Variants in RAC1 observed in about 807,000 individuals in gnomAD.
RAC1 encodes the protein Rac family small GTPase 1, also known as ras-related C3 botulinum toxin substrate 1.
A neutral mutation model predicts 25.2 loss-of-function variants in RAC1; 2 were observed. That is an observed-to-expected ratio of 0.08 (90% CI 0.03 to 0.25). RAC1 has a LOEUF of 0.25. Ranked by LOEUF, RAC1 falls within the 10% of genes least tolerant of loss-of-function variation. RAC1 has a pLI of 1.00. For synonymous variants in RAC1, 88 were observed against 94.0 expected (o/e 0.94, Z 0.37); for missense variants, 50 against 235.7 (o/e 0.21, Z 5.16).
chr7:6,386,532 A>G (rs1397939923), intron 1 of RAC1, among the ~76,000 whole-genome samples: 2 of 152,206 alleles, frequency 1.3e-5, no homozygotes, highest in African/African-American at 2.4e-5. Context: ...CTGTAATCCC[A>G]GCACTTTGGG....
intron 3 of RAC1, among the ~76,000 whole-genome samples, 185 bp downstream of exon 3, chr7:6,392,226 T>A (rs1444251124): frequency 6.6e-5 from 10 of 152,204 alleles, no homozygotes; most frequent in African/African-American, 2.4e-4. Context: ...GTTTTGTGTT[T>A]TGAGCGTTAC....
At chr7:6,390,215 G>A (rs1005696812) in intron 2 of RAC1, among the ~76,000 whole-genome samples, 9 of 149,168 alleles carry the variant, frequency 6.0e-5, no homozygotes, top group Admixed American at 1.4e-4. Context: ...GTAGCCTGAT[G>A]GAACGTTTTG....
chr7:6,386,248 A>T (rs1782919268), intron 1 of RAC1, among the ~76,000 whole-genome samples: 1 of 152,066 alleles, frequency 6.6e-6, no homozygotes, highest in African/African-American at 2.4e-5. Flanking sequence ...CTGCTTATAG[A>T]CTTATGGTGC....
intron 3 of RAC1, among the ~76,000 whole-genome samples, chr7:6,393,763 G>A (rs1404795763): frequency 6.6e-6 from 1 of 152,188 alleles, no homozygotes; most frequent in East Asian, 1.9e-4. Context: ...AACTGTGTAA[G>A]ACACCCTGTG....
intron 3 of RAC1, among the ~76,000 whole-genome samples, chr7:6,394,478 C>T (rs1783170535): frequency 7.8e-6 from 1 of 128,604 alleles, no homozygotes; most frequent in Admixed American, 7.6e-5. Flanking sequence ...TATTTATTTG[C>T]CTGCTTGTAC....
chr7:6,383,286 G>C (rs1203841949), intron 1 of RAC1, among the ~76,000 whole-genome samples: 1 of 152,154 alleles, frequency 6.6e-6, no homozygotes, highest in African/African-American at 2.4e-5. Context: ...AGCGCAGCGT[G>C]GACAAGGAAT....
chr7:6,402,122 C>A, intron 5 of RAC1, 95 bp downstream of exon 5: 1 of 1,468,726 alleles, frequency 6.8e-7, no homozygotes, highest in Non-Finnish European at 9.3e-7. Context: ...GTGTGTCTCC[C>A]ACTCAGGGCC....
At chr7:6,388,715 G>A (rs1782996598) in intron 2 of RAC1, among the ~76,000 whole-genome samples, 1 of 152,062 alleles carries the variant, frequency 6.6e-6, no homozygotes, top group South Asian at 2.1e-4. Context: ...ATCTACATAT[G>A]TAGATAAAGG....
rs1186743355 is a variant in RAC1, at chr7:6,387,102, T to C, written c.36-110T>C. 4 of 666,510 alleles carry C rather than the reference T, an allele frequency of 6.0e-6. No homozygotes were observed. The East Asian group carries it at 1.1e-4, about 18-fold the overall frequency. 41.3% of individuals were successfully genotyped at this position (666,510 alleles called of 1,614,324 possible). A position where few individuals can be genotyped will look rare whatever the true frequency, so the allele number is the denominator to read the frequency against. On this transcript the variant is annotated intron_variant, in intron 1 of 5. Transcript: ENST00000348035. ...AAAACATTTTCTTTAATGCTAAGTA[T>C]GTGATGTATATGCCTTGATTTTTTT...
chr7:6,381,840 A>C (rs1782774087), intron 1 of RAC1, among the ~76,000 whole-genome samples: 1 of 152,194 alleles, frequency 6.6e-6, no homozygotes, highest in Non-Finnish European at 1.5e-5. Context: ...TAGTTAACGC[A>C]GTTATATATA....
At position 6,387,328 on chromosome 7, in the gene RAC1, T is replaced by G. The variant is rs34605026; in HGVS notation, c.107+45T>G. On this transcript the variant is annotated intron_variant, in intron 2 of 5. Coordinates refer to ENST00000348035, the MANE Select transcript of RAC1 (RefSeq NM_006908.5). ...AATTAACCTGTTTGTGTTACGGGTT[T>G]CACATTTCTTTGACCATTTGTTTTG... 195 of 1,316,814 alleles carry G rather than the reference T, an allele frequency of 1.5e-4. No individual in the cohort carries two copies. In the African/African-American group the frequency reaches 2.8e-3, roughly 19 times the overall value. The allele number at this position is 1,316,814 out of a possible 1,614,324, so 81.6% of individuals were successfully genotyped here.
At chr7:6,395,607 TTTAC>T (rs992245278) in intron 3 of RAC1, among the ~76,000 whole-genome samples, 8 of 152,256 alleles carry the variant, frequency 5.3e-5, no homozygotes, top group African/African-American at 1.7e-4. Flanking sequence ...TTTTTTAAAG[TTTAC>T]TTACTTTTGG....
chr7:6,389,944 TCC>T, intron 2 of RAC1, among the ~76,000 whole-genome samples: 1 of 141,258 alleles, frequency 7.1e-6, no homozygotes. Context: ...CTTCCCTCCC[TCC>T]CTCTCTCCCT....
intron 1 of RAC1, among the ~76,000 whole-genome samples, chr7:6,380,709 G>A (rs886275038): frequency 3.3e-5 from 5 of 152,150 alleles, no homozygotes; most frequent in Admixed American, 2.6e-4. Context: ...CTAGTGGAAA[G>A]CATTGTACAG....
At position 6,391,177 on chromosome 7, in the gene RAC1, C is replaced by T. The variant is rs868365819; in HGVS notation, c.108-747C>T. Among the ~76,000 whole-genome samples, 39 of 152,000 alleles carry T rather than the reference C, an allele frequency of 2.6e-4. No individual in the cohort carries two copies. The Middle Eastern group carries it at 0.014, about 53-fold the overall frequency. On this transcript the variant is annotated intron_variant, in intron 2 of 5. Transcript: ENST00000348035. Reference sequence around the variant, plus strand: ...CCTCCCAAAGTGCTGGGATTACAGGCGTGAGCCACCGTGCCCAGCCTCTGC... The same window carrying T: ...CCTCCCAAAGTGCTGGGATTACAGGTGTGAGCCACCGTGCCCAGCCTCTGC...
intron 5 of RAC1, 58 bp downstream of exon 5, chr7:6,402,085 CTG>C: frequency 1.3e-6 from 2 of 1,561,432 alleles, no homozygotes; most frequent in South Asian, 1.2e-5. Flanking sequence ...GTGACAGAGA[CTG>C]GAGTCCAGTC....
At chr7:6,385,821 G>A (rs539832697) in intron 1 of RAC1, among the ~76,000 whole-genome samples, 122 of 152,280 alleles carry the variant, frequency 8.0e-4, no homozygotes, top group Non-Finnish European at 1.5e-3. Context: ...TGATGCTGAT[G>A]TGTCATTGTG....
chr7:6,392,523 T>C (rs1370940372), intron 3 of RAC1, among the ~76,000 whole-genome samples: 3 of 152,180 alleles, frequency 2.0e-5, no homozygotes, highest in Admixed American at 6.5e-5. Flanking sequence ...ATTTATTCAA[T>C]GTAGATTGAA....
chr7:6,387,120 A>G (rs1782944205), intron 1 of RAC1, 92 bp from the exon 2 acceptor site: 1 of 863,462 alleles, frequency 1.2e-6, no homozygotes, highest in African/African-American at 1.7e-5. Context: ...ATATGCCTTG[A>G]TTTTTTTTCT....
Sources: gnomAD v4.1 joint callset for allele counts (sites outside exome capture counted in the v4.1 genomes callset) on GRCh38, gnomAD v4.1.1 for gene constraint, MANE v1.5 for transcripts, NCBI Gene and HGNC (gene_info 2026-07-23, HGNC 2026-07-21) for gene names.